The following SEMA6D variants were observed in gnomAD, a reference collection of about 807,000 sequenced individuals.
SEMA6D encodes the protein semaphorin 6D, also known as semaphorin-6D.
Under a neutral mutation model 106.6 loss-of-function variants are expected in SEMA6D, and 35 were observed. The ratio of observed to expected loss-of-function variants is 0.33; its 90% CI spans 0.25 to 0.44. The LOEUF is 0.44. Ranked by LOEUF, SEMA6D falls within the 20% of genes least tolerant of loss-of-function variation. The pLI is 1.00. For synonymous variants in SEMA6D, 499 were observed against 487.7 expected, an observed-to-expected ratio of 1.02 and a Z score of -0.31; for missense variants, 1,185 against 1,345.9, an observed-to-expected ratio of 0.88 and a Z score of 1.87.
intron 1 of SEMA6D, among the ~76,000 whole-genome samples, chr15:47,322,759 T>A (rs2036972001): frequency 6.6e-6 from 1 of 152,206 alleles, no homozygotes; most frequent in Admixed American, 6.5e-5. Context: ...ATTTTAGTGT[T>A]AATTGGTGGA....
At chr15:47,533,400 A>G (rs911974169) in intron 3 of SEMA6D, among the ~76,000 whole-genome samples, 13 of 152,226 alleles carry the variant, frequency 8.5e-5, no homozygotes, top group Admixed American at 3.3e-4. Context: ...TTATCTGTAA[A>G]ACATATCATG....
At chr15:47,762,928 A>G in intron 8 of SEMA6D, 88 bp from the exon 9 acceptor site, 1 of 953,650 alleles carries the variant, frequency 1.0e-6, no homozygotes, top group Non-Finnish European at 1.6e-6. Context: ...GTAATTGTGC[A>G]ACATCTGTCA....
chr15:47,373,835 T>A (rs1041211384), intron 1 of SEMA6D, among the ~76,000 whole-genome samples: 7 of 152,228 alleles, frequency 4.6e-5, no homozygotes, highest in African/African-American at 1.7e-4. Flanking sequence ...TTTCCCTAGC[T>A]TTTGAACAAA....
intron 3 of SEMA6D, among the ~76,000 whole-genome samples, chr15:47,492,464 T>C (rs1009965946): frequency 2.0e-5 from 3 of 152,176 alleles, no homozygotes; most frequent in Admixed American, 2.0e-4. Context: ...TCCCAGCTCT[T>C]TGAACATTTG....
intron 3 of SEMA6D, among the ~76,000 whole-genome samples, chr15:47,536,178 T>G (rs2045156305): frequency 6.6e-6 from 1 of 152,198 alleles, no homozygotes; most frequent in African/African-American, 2.4e-5. Context: ...CAATCATTTA[T>G]GTAGAACTCT....
At chr15:47,436,524 T>C (rs1364760641) in intron 2 of SEMA6D, among the ~76,000 whole-genome samples, 3 of 150,940 alleles carry the variant, frequency 2.0e-5, no homozygotes, top group South Asian at 4.1e-4. Context: ...AAATTACTAA[T>C]ATATGTATAT....
At chr15:47,435,262 G>A (rs1301008627) in intron 2 of SEMA6D, among the ~76,000 whole-genome samples, 2 of 152,092 alleles carry the variant, frequency 1.3e-5, no homozygotes, top group Admixed American at 1.3e-4. Flanking sequence ...CTGTGAGGTT[G>A]CTATTGTAAA....
Position 47,761,684 on chromosome 15 carries a change from G to A in SEMA6D, c.471G>A (p.Gly157=), listed in dbSNP as rs371239047. ...AGTTGAGTACCTTAGAATATGATGG[G>A]GAAGAAATTAGTGGCCTGGCAAGAT... ...YYRLSTLEYD[G]EEISGLARCP... Residue 157 remains glycine (G), a synonymous_variant, in exon 7 of 19, where the codon GGG becomes GGA. Coordinates refer to ENST00000536845, the MANE Select transcript of SEMA6D (RefSeq NM_001358351.3). 5.5e-5 allele frequency: 88 copies of A among 1,613,256 alleles called. No homozygotes were observed. Among genetic ancestry groups the A allele is most frequent in the Admixed American group, 1.7e-4 (10 of 59,904 alleles).
At chr15:47,289,334 C>CGAACCT (rs2035501207) in intron 1 of SEMA6D, among the ~76,000 whole-genome samples, 1 of 132,462 alleles carries the variant, frequency 7.5e-6, no homozygotes, top group Admixed American at 9.1e-5. Context: ...GCGGAGGTTT[C>CGAACCT]AGTGGGCCAA....
intron 1 of SEMA6D, among the ~76,000 whole-genome samples, chr15:47,326,384 C>T (rs1449028894): frequency 6.6e-6 from 1 of 152,194 alleles, no homozygotes; most frequent in African/African-American, 2.4e-5. Context: ...ATTTGGCTTG[C>T]CCTGTTGAAA....
At chr15:47,622,311 T>C (rs1292575274) in intron 4 of SEMA6D, among the ~76,000 whole-genome samples, 1 of 152,052 alleles carries the variant, frequency 6.6e-6, no homozygotes, top group Non-Finnish European at 1.5e-5. Context: ...AAGTTCAGCT[T>C]CCTCAATTGC....
At chr15:47,215,642 G>C (rs12441740) in intron 1 of SEMA6D, among the ~76,000 whole-genome samples, 60,353 of 151,968 alleles carry the variant, frequency 0.4, 14,080 homozygotes, top group Non-Finnish European at 0.52. Flanking sequence ...GAGAGATGGA[G>C]ATGCATATAT....
At chr15:47,667,922 A>C (rs555271198) in intron 4 of SEMA6D, among the ~76,000 whole-genome samples, 1 of 152,224 alleles carries the variant, frequency 6.6e-6, no homozygotes, top group African/African-American at 2.4e-5. Context: ...GCACTTGGGC[A>C]GGTGCCAAGA....
At chr15:47,523,134 TGAAAGCCAGAGAGCAAA>T (rs1458503437) in intron 3 of SEMA6D, among the ~76,000 whole-genome samples, 5 of 152,162 alleles carry the variant, frequency 3.3e-5, no homozygotes, top group Non-Finnish European at 7.3e-5. Context: ...TGAATCCAAC[TGAAAGCCAGAGAGCAAA>T]GTGCTTGGGA....
intron 3 of SEMA6D, among the ~76,000 whole-genome samples, chr15:47,520,907 G>A (rs1295331850): frequency 6.6e-6 from 1 of 152,204 alleles, no homozygotes; most frequent in African/African-American, 2.4e-5. Context: ...AGGCAGAAGA[G>A]AGTCTCCAAG....
intron 3 of SEMA6D, among the ~76,000 whole-genome samples, chr15:47,519,268 G>T (rs1438311374): frequency 6.6e-6 from 1 of 152,206 alleles, no homozygotes; most frequent in African/African-American, 2.4e-5. Flanking sequence ...CAGTAGGCTT[G>T]TTTACACTGG....
chr15:47,263,963 A>C (rs562116988), intron 1 of SEMA6D, among the ~76,000 whole-genome samples: 26 of 152,014 alleles, frequency 1.7e-4, no homozygotes, highest in African/African-American at 6.3e-4. Context: ...CATCAATGAC[A>C]AATTGGATAA....
chr15:47,732,921 C>A (rs866558495), intron 1 of SEMA6D, among the ~76,000 whole-genome samples: 4 of 152,116 alleles, frequency 2.6e-5, no homozygotes, highest in Non-Finnish European at 5.9e-5. Context: ...AAATAAGATA[C>A]CCCTGCCAGA....
intron 4 of SEMA6D, among the ~76,000 whole-genome samples, chr15:47,662,171 G>A (rs769112856): frequency 6.6e-6 from 1 of 152,156 alleles, no homozygotes; most frequent in African/African-American, 2.4e-5. Context: ...TCTGCATACA[G>A]AGATGCAATG....
Sources: allele counts gnomAD v4.1 joint callset (sites outside exome capture counted in the v4.1 genomes callset), GRCh38; gene constraint gnomAD v4.1.1; transcripts MANE v1.5; gene names NCBI Gene and HGNC (gene_info 2026-07-23, HGNC 2026-07-21).